The following ITCH variants were observed in gnomAD, a reference collection of about 807,000 sequenced individuals.
The protein encoded by ITCH is itchy E3 ubiquitin protein ligase.
ITCH carries 28 observed loss-of-function variants against 126.8 expected under a neutral mutation model. The observed-to-expected ratio is 0.22, with a 90% CI of 0.16 to 0.30. The LOEUF (loss-of-function observed/expected upper bound fraction) is 0.30, where lower values mean the gene tolerates loss of function less well. ITCH is among the 10% of genes least tolerant of loss of function. ITCH has a pLI of 1.00. For missense variants in ITCH, 631 were observed against 1,032.4 expected (o/e 0.61, Z 5.33); for synonymous variants, 342 against 340.0 (o/e 1.01, Z -0.06).
chr20:34,417,524 C>T (rs1394878324), intron 6 of ITCH, among the ~76,000 whole-genome samples: 1 of 151,758 alleles, frequency 6.6e-6, no homozygotes, highest in East Asian at 1.9e-4. Flanking sequence ...CTCAGCCTCC[C>T]GAGTAGCTGG....
At chr20:34,465,803 G>A (rs78719605) in intron 14 of ITCH, among the ~76,000 whole-genome samples, 11 of 152,110 alleles carry the variant, frequency 7.2e-5, no homozygotes, top group Admixed American at 3.3e-4. Context: ...AGGGTTTTTC[G>A]TTGTGGAATA....
chr20:34,451,690 A>G (rs973727035), intron 12 of ITCH, among the ~76,000 whole-genome samples: 1 of 152,172 alleles, frequency 6.6e-6, no homozygotes, highest in African/African-American at 2.4e-5. Context: ...CTTTATTTCT[A>G]GAGTTGTATG....
At chr20:34,372,640 A>G (rs938383945) in intron 2 of ITCH, among the ~76,000 whole-genome samples, 16 of 151,960 alleles carry the variant, frequency 1.1e-4, no homozygotes, top group Admixed American at 7.2e-4. Flanking sequence ...TCAGCCTCTC[A>G]ATGTGCTGGG....
intron 23 of ITCH, among the ~76,000 whole-genome samples, chr20:34,495,922 A>G (rs1319176334): frequency 1.0e-5 from 1 of 100,140 alleles, no homozygotes; most frequent in Non-Finnish European, 2.2e-5. Flanking sequence ...TGAAAATACT[A>G]AAAAAAAAAA....
intron 6 of ITCH, among the ~76,000 whole-genome samples, chr20:34,424,215 A>G (rs571710709): frequency 6.6e-6 from 1 of 152,224 alleles, no homozygotes; most frequent in Admixed American, 6.5e-5. Flanking sequence ...AGGCAGGAAT[A>G]GTAGTGCATG....
chr20:34,481,011 T>C (rs771383629), intron 19 of ITCH, 55 bp from the exon 20 acceptor site: 10 of 1,574,286 alleles, frequency 6.4e-6, no homozygotes, highest in African/African-American at 4.0e-5. Context: ...TAAAAACTTA[T>C]AAATTATGAT....
intron 3 of ITCH, chr20:34,401,768 A>T (rs1012358789): frequency 3.5e-5 from 11 of 312,758 alleles, no homozygotes; most frequent in Non-Finnish European, 5.1e-5. Context: ...GAGGAGGGGG[A>T]AAAAAAACCA....
chr20:34,487,576 C>T (rs1056999533), intron 20 of ITCH, among the ~76,000 whole-genome samples: 1 of 152,042 alleles, frequency 6.6e-6, no homozygotes, highest in Non-Finnish European at 1.5e-5. Context: ...TTAGTGGCAA[C>T]TCTAATGATT....
chr20:34,468,269 C>T (rs887532649), intron 14 of ITCH, among the ~76,000 whole-genome samples: 1 of 151,686 alleles, frequency 6.6e-6, no homozygotes, highest in African/African-American at 2.4e-5. Context: ...CTCCTGACCT[C>T]ATGATCCACC....
At chr20:34,396,824 A>G (rs559184656) in intron 3 of ITCH, among the ~76,000 whole-genome samples, 1 of 152,200 alleles carries the variant, frequency 6.6e-6, no homozygotes, top group East Asian at 1.9e-4. Flanking sequence ...GCTATTGTTA[A>G]TTAATATCTC....
intron 4 of ITCH, among the ~76,000 whole-genome samples, chr20:34,409,999 C>T (rs913979383): frequency 1.3e-5 from 2 of 150,968 alleles, no homozygotes; most frequent in African/African-American, 4.9e-5. Context: ...CTGTGAATTG[C>T]TACTGAACTC....
Position 34,475,872 on chromosome 20 carries a change from A to G in ITCH, c.1570-1900A>G, listed in dbSNP as rs568929310. 49 of 948,278 alleles carry G rather than the reference A, an allele frequency of 5.2e-5. No homozygotes were observed. In the South Asian group the frequency reaches 6.0e-4, roughly 12 times the overall value. The allele number at this position is 948,278 out of a possible 1,614,324, so 58.7% of individuals were successfully genotyped here. ...ATGTACTCATTTTATCACTTAAATAATAATTATAAAAATAGGTAAAATTCC... is the reference window on the plus strand; with the variant it reads ...ATGTACTCATTTTATCACTTAAATAGTAATTATAAAAATAGGTAAAATTCC... On this transcript the variant is annotated intron_variant, in intron 16 of 24. Transcript: ENST00000374864.
chr20:34,374,004 C>G (rs1220935231), intron 2 of ITCH, among the ~76,000 whole-genome samples: 2 of 152,094 alleles, frequency 1.3e-5, no homozygotes, highest in African/African-American at 4.8e-5. Flanking sequence ...CCTGCCTCAG[C>G]CTCCCATGTA....
At chr20:34,397,565 C>T (rs993345513) in intron 3 of ITCH, among the ~76,000 whole-genome samples, 1 of 152,110 alleles carries the variant, frequency 6.6e-6, no homozygotes. Context: ...TATTATTTTC[C>T]TCAAAACCTA....
At chr20:34,416,304 A>G (rs1001223500) in intron 6 of ITCH, among the ~76,000 whole-genome samples, 2 of 152,260 alleles carry the variant, frequency 1.3e-5, no homozygotes, top group Non-Finnish European at 2.9e-5. Context: ...AGGCTGAGGC[A>G]GGAGAATCAC....
intron 6 of ITCH, among the ~76,000 whole-genome samples, chr20:34,419,725 G>T (rs138881191): frequency 3.9e-5 from 6 of 152,006 alleles, no homozygotes; most frequent in African/African-American, 9.7e-5. Flanking sequence ...TACTATCTCC[G>T]CTCGCTGCAA....
chr20:34,488,149 C>CT (rs1198846665), intron 20 of ITCH, among the ~76,000 whole-genome samples: 4 of 143,282 alleles, frequency 2.8e-5, no homozygotes, highest in African/African-American at 5.2e-5. Context: ...TCCTCAGATT[C>CT]ATTTTTTTTT....
At chr20:34,463,358 G>A (rs940600412) in intron 14 of ITCH, among the ~76,000 whole-genome samples, 6 of 152,116 alleles carry the variant, frequency 3.9e-5, no homozygotes, top group South Asian at 2.1e-4. Context: ...GTGAGACTCC[G>A]TCTCAAAAAA....
intron 2 of ITCH, among the ~76,000 whole-genome samples, chr20:34,382,396 T>C (rs2038097675): frequency 6.6e-6 from 1 of 152,158 alleles, no homozygotes. Context: ...TGACTTTCAG[T>C]TTACTTGATA....
Sources: allele counts gnomAD v4.1 joint callset (sites outside exome capture counted in the v4.1 genomes callset), GRCh38; gene constraint gnomAD v4.1.1; transcripts MANE v1.5; gene names NCBI Gene and HGNC (gene_info 2026-07-23, HGNC 2026-07-21).